The following VRK2 variants were observed in gnomAD, a reference collection of about 807,000 sequenced individuals.
VRK2 encodes the protein serine/threonine-protein kinase VRK2.
VRK2 carries 60 observed loss-of-function variants against 57.6 expected under a neutral mutation model. The ratio of observed to expected loss-of-function variants is 1.04; its 90% confidence interval spans 0.85 to 1.29. The LOEUF is 1.29. Among genes scored for constraint, VRK2 ranks in the 50% most tolerant of loss-of-function variants. The pLI, the probability that VRK2 is intolerant of heterozygous loss-of-function variation, is 0.00. For missense variants in VRK2, 705 were observed against 588.1 expected, an observed-to-expected ratio of 1.20 and a Z score of -2.06; for synonymous variants, 231 against 199.2, an observed-to-expected ratio of 1.16 and a Z score of -1.35.
chr2:58,130,112 A>G (rs1429997292), intron 8 of VRK2, among the ~76,000 whole-genome samples: 1 of 152,130 alleles, frequency 6.6e-6, no homozygotes, highest in Admixed American at 6.6e-5. Flanking sequence ...TAATCCCTCA[A>G]TTGGGGGGTA....
In VRK2 at chr2:57,933,309, C is replaced by CTTTTTTTTTTTTTTTTTTT. The variant is rs71394403; in HGVS notation, c.-439+25474_-439+25492dup. Among the ~76,000 whole-genome samples, 30 of 63,328 alleles carry CTTTTTTTTTTTTTTTTTTT rather than the reference C, an allele frequency of 4.7e-4. 1 individual carries two copies. The highest frequency in any genetic ancestry group is 5.9e-4 in the Non-Finnish European group (22 of 37,470). The allele number at this position is 63,328 out of a possible 152,430, so 41.5% of individuals were successfully genotyped here. A position where few individuals can be genotyped will look rare whatever the true frequency, so the allele number is the denominator to read the frequency against. The stretch of plus-strand genomic sequence containing the variant: ...TGCTATTTCTTATTTCTTTCTTTTT[C>CTTTTTTTTTTTTTTTTTTT]TTTTTTTTTTTTTTTTTTTTTTGAG... On this transcript the variant is annotated intron_variant, in intron 1 of 15. Transcript: ENST00000417641.
Position 57,938,860 on chromosome 2 carries a change from T to A in VRK2, c.-439+31021T>A, listed in dbSNP as rs183540217. 3.9e-5 allele frequency among the ~76,000 whole-genome samples: 6 copies of A among 152,240 alleles called. No individual in the cohort carries two copies. The East Asian group carries it at 7.7e-4, about 20-fold the overall frequency. On this transcript the variant is annotated intron_variant, in intron 1 of 15. Coordinates refer to the VRK2 transcript ENST00000417641. ...TCTTGCTTTCAAAGTTATTTATGAC[T>A]TCAAAAAAAGAACTTGCTTTCCTCT...
chr2:58,117,725 C>A (rs923657786), intron 7 of VRK2, among the ~76,000 whole-genome samples: 6 of 152,106 alleles, frequency 3.9e-5, no homozygotes, highest in Non-Finnish European at 5.9e-5. Flanking sequence ...TTTGGAACTA[C>A]TGTCAAGTTT....
chr2:58,039,420 T>A (rs543635919), intron 3 of VRK2, among the ~76,000 whole-genome samples: 1 of 152,180 alleles, frequency 6.6e-6, no homozygotes, highest in East Asian at 1.9e-4. Flanking sequence ...TCCCTAAAAA[T>A]TTCTCCTACA....
At chr2:58,112,141 G>A (rs986373558) in intron 7 of VRK2, among the ~76,000 whole-genome samples, 3 of 152,132 alleles carry the variant, frequency 2.0e-5, no homozygotes, top group Non-Finnish European at 4.4e-5. Flanking sequence ...AATGGAATTT[G>A]GAAGTCATAT....
intron 1 of VRK2, among the ~76,000 whole-genome samples, chr2:57,987,574 C>A (rs573751151): frequency 3.0e-4 from 46 of 152,178 alleles, no homozygotes; most frequent in Non-Finnish European, 3.2e-4. Context: ...ATTGTTATAA[C>A]CTCTTTGGAA....
intron 2 of VRK2, among the ~76,000 whole-genome samples, chr2:58,079,771 C>G (rs143915269): frequency 6.6e-6 from 1 of 151,914 alleles, no homozygotes; most frequent in African/African-American, 2.4e-5. Flanking sequence ...AGCCATTTCT[C>G]CAAGGAGCCC....
chr2:58,041,291 T>C (rs188473735), intron 3 of VRK2, among the ~76,000 whole-genome samples: 3 of 152,298 alleles, frequency 2.0e-5, no homozygotes, highest in Admixed American at 2.0e-4. Flanking sequence ...AATTTTTTAT[T>C]GAGCCTTTTG....
In VRK2 at chr2:57,948,883, A is replaced by G. The variant is rs372055122; in HGVS notation, c.-439+41044A>G. On this transcript the variant is annotated intron_variant, in intron 1 of 15. Coordinates refer to the VRK2 transcript ENST00000417641. ...TTATGGTGTCATTGAAGTTAAGCGG[A>G]AAAGGGTAGCAAGGAAGAAAGGAAA... Among the ~76,000 whole-genome samples, 20 of 152,226 alleles carry G rather than the reference A, an allele frequency of 1.3e-4. No homozygotes were observed. In the East Asian group the frequency reaches 3.9e-3, roughly 29 times the overall value.
At chr2:58,153,201 C>T (rs1310005158) in intron 12 of VRK2, among the ~76,000 whole-genome samples, 2 of 152,002 alleles carry the variant, frequency 1.3e-5, no homozygotes, top group African/African-American at 4.8e-5. Flanking sequence ...TCATCATGCC[C>T]TTGAGATCGA....
chr2:57,964,929 G>A (rs1671870880), intron 1 of VRK2, among the ~76,000 whole-genome samples: 1 of 143,930 alleles, frequency 6.9e-6, no homozygotes, highest in South Asian at 2.3e-4. Flanking sequence ...AATGTGAGGT[G>A]TTACATGAAG....
intron 1 of VRK2, among the ~76,000 whole-genome samples, chr2:57,933,631 T>C (rs1159614407): frequency 6.7e-6 from 1 of 150,202 alleles, no homozygotes; most frequent in Non-Finnish European, 1.5e-5. Flanking sequence ...AGATTTTAAG[T>C]GAGTCTTAGC....
chr2:58,032,985 A>C (rs1674162398), intron 2 of VRK2, among the ~76,000 whole-genome samples: 1 of 152,242 alleles, frequency 6.6e-6, no homozygotes, highest in Admixed American at 6.5e-5. Context: ...GCCAGTGCAC[A>C]CTGAACCTGC....
chr2:58,089,343 G>A (rs977073586), intron 6 of VRK2, among the ~76,000 whole-genome samples: 2 of 152,086 alleles, frequency 1.3e-5, no homozygotes, highest in East Asian at 1.9e-4. Flanking sequence ...TGTGCAGTGC[G>A]GTTTGGCTAC....
rs557581096 is a variant in VRK2 at position 58,157,525 on chromosome 2, C to A, written c.1183-1824C>A. On this transcript the variant is annotated intron_variant, in intron 12 of 12. Coordinates refer to ENST00000340157, the MANE Select transcript of VRK2 (RefSeq NM_006296.7). ...GGGCAGGATCAACCCAGGCTGAGAACCAATGCTCTATCACAGTAGATTATT... is the reference window on the plus strand; with the variant it reads ...GGGCAGGATCAACCCAGGCTGAGAAACAATGCTCTATCACAGTAGATTATT... Among the ~76,000 whole-genome samples, 30 of 152,260 alleles carry A rather than the reference C, an allele frequency of 2.0e-4. 1 individual carries two copies. In the South Asian group the frequency reaches 5.8e-3, roughly 29 times the overall value.
chr2:58,127,220 T>G (rs1243131260), intron 8 of VRK2, among the ~76,000 whole-genome samples: 1 of 152,142 alleles, frequency 6.6e-6, no homozygotes, highest in African/African-American at 2.4e-5. Context: ...TTCATTTCAC[T>G]CTAATCTAGC....
intron 7 of VRK2, among the ~76,000 whole-genome samples, chr2:58,117,505 C>G (rs908904885): frequency 6.6e-6 from 1 of 152,036 alleles, no homozygotes; most frequent in Non-Finnish European, 1.5e-5. Context: ...ATTAGAAAGA[C>G]TCAGCGACGC....
chr2:58,034,533 C>T (rs1674213973), intron 3 of VRK2, among the ~76,000 whole-genome samples: 1 of 151,970 alleles, frequency 6.6e-6, no homozygotes, highest in African/African-American at 2.4e-5. Context: ...TTCTACAAGG[C>T]TCTAAGTTTT....
chr2:57,990,876 CACACACACAT>C (rs1041694109), intron 1 of VRK2, among the ~76,000 whole-genome samples: 2 of 151,622 alleles, frequency 1.3e-5, no homozygotes, highest in African/African-American at 4.9e-5. Context: ...CACACACACA[CACACACACAT>C]GCACACACAC....
Sources: gnomAD v4.1 joint callset for allele counts (sites outside exome capture counted in the v4.1 genomes callset) on GRCh38, gnomAD v4.1.1 for gene constraint, MANE v1.5 for transcripts, NCBI Gene and HGNC (gene_info 2026-07-23, HGNC 2026-07-21) for gene names.